PATJ: variants seen among roughly 807,000 people sequenced by gnomAD.
PATJ encodes the protein inaD-like protein.
Under a neutral mutation model 224.9 loss-of-function variants are expected in PATJ, and 190 were observed. That is an observed-to-expected ratio of 0.84 (90% CI 0.75 to 0.95). The LOEUF is 0.95. Ranked by LOEUF, PATJ falls within the 40% of genes least tolerant of loss-of-function variation. The pLI is 0.00. For missense variants in PATJ, 2,121 were observed against 2,270.3 expected (o/e 0.93, Z 1.34); for synonymous variants, 769 against 820.3 (o/e 0.94, Z 1.07).
intron 39 of PATJ, among the ~76,000 whole-genome samples, chr1:62,124,217 A>G (rs564046313): frequency 6.6e-6 from 1 of 152,000 alleles, no homozygotes; most frequent in South Asian, 2.1e-4. Context: ...CAAGTAGCTG[A>G]GACTACAGGC....
Position 61,901,307 on chromosome 1 carries a change from G to C in PATJ, c.3229G>C (p.Val1077Leu). 2 of 1,538,784 alleles carry C rather than the reference G, an allele frequency of 1.3e-6. No homozygotes were observed. Among genetic ancestry groups the C allele is most frequent in the Non-Finnish European group, 1.7e-6 (2 of 1,153,912 alleles). Residue 1077 changes from valine (V) to leucine (L), a missense_variant, in exon 24 of 44, where the codon GTG (valine) becomes CTG (leucine). Transcript: ENST00000642238. ...TGTTGAGATTTTTAGAGAACCCAAT[G>C]TGTCTCTTGGGATCAGTATTGTTGG... ...RIVEIFREPN[V>L]SLGISIVGGQ...
At chr1:61,997,982 T>TTTTTTATATATATATATATATATATA (rs374175697) in intron 28 of PATJ, among the ~76,000 whole-genome samples, 3 of 118,336 alleles carry the variant, frequency 2.5e-5, no homozygotes, top group Admixed American at 1.9e-4. Context: ...TGTGCCCAGC[T>TTTTTTATATATATATATATATATATA]TATATATGTA....
At chr1:61,898,266 G>C (rs1670647305) in intron 22 of PATJ, among the ~76,000 whole-genome samples, 1 of 152,138 alleles carries the variant, frequency 6.6e-6, no homozygotes, top group Non-Finnish European at 1.5e-5. Flanking sequence ...TTTGAGACAG[G>C]ATCTTGCTCT....
At chr1:61,935,701 G>A (rs1306048309) in intron 27 of PATJ, among the ~76,000 whole-genome samples, 1 of 152,070 alleles carries the variant, frequency 6.6e-6, no homozygotes, top group Non-Finnish European at 1.5e-5. Flanking sequence ...TGGGGCAGGA[G>A]GATCAGTTGA....
chr1:62,094,924 T>C (rs570624286), intron 33 of PATJ, among the ~76,000 whole-genome samples: 2 of 152,336 alleles, frequency 1.3e-5, no homozygotes, highest in East Asian at 3.9e-4. Flanking sequence ...AGTAAACTAA[T>C]TTATTATTTG....
chr1:62,089,854 A>C lies in PATJ; in HGVS notation c.4377+5206A>C, dbSNP rs1315529102. Among the ~76,000 whole-genome samples the C allele has an allele frequency of 3.3e-5, 5 of 152,292 alleles. No individual in the cohort carries two copies. In the East Asian group the frequency reaches 9.6e-4, roughly 29 times the overall value. ...AGACTCACTACAGAAGAACCTTCGC[A>C]CATTTGGTTAAGTGATGCATCCTGA... On this transcript the variant is annotated intron_variant, in intron 33 of 43. Coordinates refer to ENST00000642238, the MANE Select transcript of PATJ (RefSeq NM_001350145.3).
At chr1:61,943,786 C>T (rs1022232044) in intron 27 of PATJ, among the ~76,000 whole-genome samples, 1 of 152,176 alleles carries the variant, frequency 6.6e-6, no homozygotes, top group African/African-American at 2.4e-5. Flanking sequence ...AGACTGCCTC[C>T]TCAAGTGGAT....
At chr1:61,890,783 A>G (rs987253117) in intron 22 of PATJ, among the ~76,000 whole-genome samples, 2 of 152,220 alleles carry the variant, frequency 1.3e-5, no homozygotes, top group East Asian at 1.9e-4. Context: ...AGTGTGAGCC[A>G]TAGCACCTGG....
intron 17 of PATJ, among the ~76,000 whole-genome samples, chr1:61,838,354 CTG>C (rs927325895): frequency 1.6e-4 from 24 of 151,196 alleles, no homozygotes; most frequent in African/African-American, 1.2e-4. Flanking sequence ...ACTGAGTACT[CTG>C]TTTCTTTTTT....
intron 31 of PATJ, among the ~76,000 whole-genome samples, chr1:62,051,867 A>G (rs539400171): frequency 1.2e-4 from 18 of 152,332 alleles, no homozygotes; most frequent in East Asian, 1.9e-4. Context: ...CATTTGTTGC[A>G]TATCAGACAC....
chr1:62,074,618 A>G (rs1337494626), intron 31 of PATJ, among the ~76,000 whole-genome samples: 1 of 152,196 alleles, frequency 6.6e-6, no homozygotes, highest in Non-Finnish European at 1.5e-5. Flanking sequence ...TTTTAAATTT[A>G]AAAGCAGGTT....
intron 38 of PATJ, among the ~76,000 whole-genome samples, chr1:62,122,563 G>A (rs533130667): frequency 3.5e-4 from 54 of 152,122 alleles, no homozygotes; most frequent in Non-Finnish European, 6.5e-4. Flanking sequence ...GGTGGCTCAC[G>A]CCTGTAATCC....
At chr1:62,112,985 T>C (rs1426486562) in intron 34 of PATJ, among the ~76,000 whole-genome samples, 1 of 152,210 alleles carries the variant, frequency 6.6e-6, no homozygotes, top group Non-Finnish European at 1.5e-5. Context: ...AGTTTCCTCC[T>C]CTATGAATGG....
At chr1:61,749,278 T>A (rs1227024292) in intron 1 of PATJ, among the ~76,000 whole-genome samples, 1 of 152,032 alleles carries the variant, frequency 6.6e-6, no homozygotes, top group Non-Finnish European at 1.5e-5. Context: ...AGTGCTGGGA[T>A]TGCAGGCGTG....
rs71577219 is a variant in PATJ at position 61,984,148 on chromosome 1, AATT to A, written c.3671-6004_3671-6002del. Among the ~76,000 whole-genome samples the A allele has an allele frequency of 1.5e-3, 211 of 141,122 alleles. 1 individual carries two copies. Among genetic ancestry groups the A allele is most frequent in the Non-Finnish European group, 1.5e-3 (97 of 65,800 alleles). The allele number at this position is 141,122 out of a possible 152,430, so 92.6% of individuals were successfully genotyped here. Reference sequence around the variant, plus strand: ...AATTGTATAACTATGAAATACGCTCAATTATTATTATTATTATTTTTTTTTTTT... The same window carrying A: ...AATTGTATAACTATGAAATACGCTCAATTATTATTATTATTTTTTTTTTTT... On this transcript the variant is annotated intron_variant, in intron 27 of 43. Transcript: ENST00000642238.
chr1:62,060,210 C>T (rs1354590995), intron 31 of PATJ, among the ~76,000 whole-genome samples: 4 of 152,210 alleles, frequency 2.6e-5, no homozygotes, highest in Admixed American at 1.3e-4. Context: ...GTAATGAAAG[C>T]GTTAATACTG....
intron 27 of PATJ, among the ~76,000 whole-genome samples, chr1:61,962,480 T>C (rs1419055369): frequency 6.6e-6 from 1 of 152,216 alleles, no homozygotes; most frequent in Non-Finnish European, 1.5e-5. Flanking sequence ...AGTTTTATAG[T>C]TGAAAAAGCA....
At chr1:62,058,731 C>T (rs1305540728) in intron 31 of PATJ, among the ~76,000 whole-genome samples, 1 of 152,138 alleles carries the variant, frequency 6.6e-6, no homozygotes, top group Non-Finnish European at 1.5e-5. Context: ...TGCCAGAGCT[C>T]TCATTATTCA....
At chr1:61,774,119 C>CACA (rs1553156600) in intron 6 of PATJ, among the ~76,000 whole-genome samples, 1 of 68,856 alleles carries the variant, frequency 1.5e-5, no homozygotes, top group Non-Finnish European at 2.6e-5. Context: ...GACTCCATCT[C>CACA]AAAAAAAAAA....
Sources: gnomAD v4.1 joint callset for allele counts (sites outside exome capture counted in the v4.1 genomes callset) on GRCh38, gnomAD v4.1.1 for gene constraint, MANE v1.5 for transcripts, NCBI Gene and HGNC (gene_info 2026-07-23, HGNC 2026-07-21) for gene names.